Variants in ZNF730 observed in about 807,000 individuals in gnomAD.
The protein encoded by ZNF730 is putative zinc finger protein 730.
In ZNF730, 12 loss-of-function variants were observed where a neutral mutation model predicts 12.6. The ratio of observed to expected loss-of-function variants is 0.95; its 90% CI spans 0.61 to 1.54. The LOEUF (loss-of-function observed/expected upper bound fraction) is 1.54, where lower values mean the gene tolerates loss of function less well. Ranked by LOEUF, ZNF730 falls within the 40% of genes most tolerant of loss-of-function variation. The pLI, the probability that ZNF730 is intolerant of heterozygous loss-of-function variation, is 0.00. For missense variants in ZNF730, 643 were observed against 583.5 expected, an observed-to-expected ratio of 1.10 and a Z score of -1.05; for synonymous variants, 194 against 195.8, an observed-to-expected ratio of 0.99 and a Z score of 0.08.
intron 1 of ZNF730, among the ~76,000 whole-genome samples, chr19:23,078,857 T>C (rs763304033): frequency 6.6e-5 from 10 of 151,854 alleles, no homozygotes; most frequent in Non-Finnish European, 1.5e-4. Context: ...CAGACTGGAG[T>C]GCAGTGGCAC....
intron 1 of ZNF730, among the ~76,000 whole-genome samples, chr19:23,102,126 T>TG (rs1478088904): frequency 6.6e-6 from 1 of 152,186 alleles, no homozygotes; most frequent in Non-Finnish European, 1.5e-5. Flanking sequence ...ACTCCGTTTT[T>TG]GCCTGCACTC....
intron 1 of ZNF730, chr19:23,127,061 A>G (rs7256177): frequency 0.63 from 326,180 of 517,198 alleles, 108,128 homozygotes; most frequent in Admixed American, 0.76. Context: ...AACCAATTCT[A>G]TTGTAATAAT....
In ZNF730 at chr19:23,135,927, A is replaced by T. The variant is rs770411953; in HGVS notation, c.131-21A>T. The T allele has an allele frequency of 4.4e-6, 7 of 1,594,642 alleles. No homozygotes were observed. The East Asian group carries it at 1.6e-4, about 36-fold the overall frequency. ...TAATTGGAGAATATGAGCAAGATTC[A>T]TGTTATTTTTCATAAAACAGGTATT... On this transcript the variant is annotated intron_variant, in intron 2 of 3. Transcript: ENST00000597761.
intron 1 of ZNF730, among the ~76,000 whole-genome samples, chr19:23,106,210 A>G (rs554130938): frequency 6.6e-6 from 1 of 151,994 alleles, no homozygotes; most frequent in East Asian, 1.9e-4. Flanking sequence ...GAAGGGGAAG[A>G]AAAAAGAGGA....
At chr19:23,088,851 T>C (rs772886936) in intron 1 of ZNF730, among the ~76,000 whole-genome samples, 34 of 152,116 alleles carry the variant, frequency 2.2e-4, no homozygotes, top group Non-Finnish European at 2.6e-4. Flanking sequence ...GTTTTGTTCC[T>C]TTTTGTTTGT....
At chr19:23,133,236 G>GA (rs1002577320) in intron 1 of ZNF730, among the ~76,000 whole-genome samples, 2 of 151,460 alleles carry the variant, frequency 1.3e-5, no homozygotes, top group South Asian at 2.1e-4. Flanking sequence ...AGAAAAACTG[G>GA]AAAAAAAAGA....
rs1970538535 is a variant in ZNF730 at position 23,117,088 on chromosome 19, G to T, written c.-86G>T. ...TCTGTCTGCTTTGTGTCCTCTGCAC[G>T]TAGAAGCCCAGCCTGTGTGGCCCTG... is the stretch of plus-strand genomic sequence containing the variant. On this transcript the variant is annotated 5_prime_UTR_variant, in exon 1 of 4. Coordinates refer to ENST00000597761, the MANE Select transcript of ZNF730 (RefSeq NM_001277403.2). 2 of 1,604,142 alleles carry T rather than the reference G, an allele frequency of 1.2e-6. No individual in the cohort carries two copies. The highest frequency in any genetic ancestry group is 1.7e-5 in the Admixed American group (1 of 59,568).
At chr19:23,131,726 A>G (rs1970744980) in intron 1 of ZNF730, among the ~76,000 whole-genome samples, 1 of 152,220 alleles carries the variant, frequency 6.6e-6, no homozygotes, top group Non-Finnish European at 1.5e-5. Context: ...AAACTTGTTT[A>G]TAACACCCAT....
At chr19:23,129,568 T>G (rs1280349253) in intron 1 of ZNF730, among the ~76,000 whole-genome samples, 2 of 132,984 alleles carry the variant, frequency 1.5e-5, no homozygotes, top group African/African-American at 3.2e-5. Flanking sequence ...ACCCAATGCT[T>G]GTATCCCCCC....
intron 1 of ZNF730, among the ~76,000 whole-genome samples, chr19:23,091,316 G>A (rs1970156231): frequency 6.6e-6 from 1 of 152,220 alleles, no homozygotes; most frequent in South Asian, 2.1e-4. Flanking sequence ...AGCCCTCATG[G>A]AGAACCTCTG....
At chr19:23,095,033 C>G (rs1414351888) in intron 1 of ZNF730, 1 of 210,896 alleles carries the variant, frequency 4.7e-6, no homozygotes, top group African/African-American at 2.3e-5. Flanking sequence ...AATCTCATCC[C>G]TGAACATCCT....
In ZNF730 at chr19:23,093,528, TC is replaced by T. The variant is rs1377953030; in HGVS notation, c.-94+18148del. On this transcript the variant is annotated intron_variant, in intron 1 of 2. Transcript: ENST00000593635. ...GCATCCCGCCCCTCTGGTTCCTGCT[TC>T]CCCCCCTCATTCTTGGGGGTGGGGG... Among the ~76,000 whole-genome samples, 11 of 151,878 alleles carry T rather than the reference TC, an allele frequency of 7.2e-5. No individual in the cohort carries two copies. The South Asian group carries it at 1.0e-3, about 14-fold the overall frequency.
chr19:23,090,382 G>T (rs929843551), intron 1 of ZNF730, among the ~76,000 whole-genome samples: 3 of 152,148 alleles, frequency 2.0e-5, no homozygotes, highest in Non-Finnish European at 4.4e-5. Context: ...GTGGAACTTT[G>T]AGCTTGAGAG....
chr19:23,136,075 G>T, intron 3 of ZNF730, 32 bp downstream of exon 3: 1 of 1,450,998 alleles, frequency 6.9e-7, no homozygotes, highest in Non-Finnish European at 9.2e-7. Context: ...ACACAAAACT[G>T]ATAAGAGATC....
chr19:23,089,505 G>A (rs1253007817), intron 1 of ZNF730, among the ~76,000 whole-genome samples: 1 of 152,086 alleles, frequency 6.6e-6, no homozygotes, highest in East Asian at 1.9e-4. Flanking sequence ...CGTGGGGTCT[G>A]TTTTTTTCCT....
intron 1 of ZNF730, chr19:23,126,604 G>A: frequency 2.1e-6 from 1 of 480,696 alleles, no homozygotes; most frequent in South Asian, 1.7e-5. Context: ...AGGCAGTTTG[G>A]CAGCAACTGT....
At chr19:23,099,227 G>A (rs1229194544) in intron 1 of ZNF730, among the ~76,000 whole-genome samples, 1 of 152,180 alleles carries the variant, frequency 6.6e-6, no homozygotes, top group Non-Finnish European at 1.5e-5. Context: ...AGGCAGGTGA[G>A]GACTGTCCTC....
At chr19:23,075,343 A>G in exon 1 of ZNF730, 1 of 154,146 alleles carries the variant, frequency 6.5e-6, no homozygotes, top group East Asian at 1.9e-4. Context: ...AGGTCCTGGG[A>G]GACGCACAGC....
chr19:23,089,469 G>C (rs1970119500), intron 1 of ZNF730, among the ~76,000 whole-genome samples: 1 of 152,132 alleles, frequency 6.6e-6, no homozygotes, highest in Admixed American at 6.5e-5. Flanking sequence ...TGTGTTATGG[G>C]AGGGACCGGG....
Sources: allele counts gnomAD v4.1 joint callset (sites outside exome capture counted in the v4.1 genomes callset), GRCh38; gene constraint gnomAD v4.1.1; transcripts MANE v1.5; gene names NCBI Gene and HGNC (gene_info 2026-07-23, HGNC 2026-07-21).